HS3ST4: variants seen among roughly 807,000 people sequenced by gnomAD.
The protein encoded by HS3ST4 is heparan sulfate-glucosamine 3-sulfotransferase 4, also known as heparan sulfate glucosamine 3-O-sulfotransferase 4.
In HS3ST4, 17 loss-of-function variants were observed where a neutral mutation model predicts 29.2. The observed-to-expected ratio is 0.58, with a 90% CI of 0.40 to 0.87. The LOEUF is 0.87. Ranked by LOEUF, HS3ST4 falls within the 40% of genes least tolerant of loss-of-function variation. The pLI is 0.00. For missense variants in HS3ST4, 627 were observed against 634.5 expected, an observed-to-expected ratio of 0.99 and a Z score of 0.13; for synonymous variants, 314 against 285.7, an observed-to-expected ratio of 1.10 and a Z score of -1.00.
At chr16:25,811,869 T>C (rs1196185215) in intron 1 of HS3ST4, among the ~76,000 whole-genome samples, 1 of 152,240 alleles carries the variant, frequency 6.6e-6, no homozygotes, top group Admixed American at 6.5e-5. Context: ...AGTTAAGTTT[T>C]TAGGGAGTCA....
chr16:25,909,707 A>G (rs1161414310), intron 1 of HS3ST4, among the ~76,000 whole-genome samples: 1 of 152,224 alleles, frequency 6.6e-6, no homozygotes, highest in Non-Finnish European at 1.5e-5. Flanking sequence ...GCTCACAACA[A>G]CACTGCCAAC....
At chr16:26,101,761 A>AGATG (rs1898992530) in intron 1 of HS3ST4, among the ~76,000 whole-genome samples, 4 of 152,212 alleles carry the variant, frequency 2.6e-5, no homozygotes, top group Non-Finnish European at 5.9e-5. Context: ...TTGAATGAAT[A>AGATG]GATGGATGGA....
intron 1 of HS3ST4, among the ~76,000 whole-genome samples, chr16:25,961,061 G>T (rs1041280236): frequency 8.5e-5 from 13 of 152,174 alleles, no homozygotes; most frequent in African/African-American, 3.1e-4. Context: ...GGCATGTTCT[G>T]AAATAACTGG....
At chr16:26,020,063 A>G (rs1969398403) in intron 1 of HS3ST4, among the ~76,000 whole-genome samples, 1 of 151,918 alleles carries the variant, frequency 6.6e-6, no homozygotes, top group Non-Finnish European at 1.5e-5. Flanking sequence ...CGCCCCCCCT[A>G]CCAAATACAC....
At chr16:25,724,119 A>C (rs1299993043) in intron 1 of HS3ST4, among the ~76,000 whole-genome samples, 9 of 151,302 alleles carry the variant, frequency 5.9e-5, no homozygotes, top group African/African-American at 2.2e-4. Context: ...TCTCAAAAAA[A>C]AAAAAAAAAA....
chr16:26,072,330 C>T (rs191228055), intron 1 of HS3ST4, among the ~76,000 whole-genome samples: 46 of 152,098 alleles, frequency 3.0e-4, no homozygotes, highest in South Asian at 6.2e-4. Flanking sequence ...AGGGATGTTC[C>T]GTCTTCTACC....
chr16:26,019,790 A>T (rs1225312981), intron 1 of HS3ST4, among the ~76,000 whole-genome samples: 1 of 152,170 alleles, frequency 6.6e-6, no homozygotes, highest in Non-Finnish European at 1.5e-5. Context: ...GTTTTCAGTG[A>T]GATGTGAACT....
At chr16:26,077,403 G>T (rs1898675370) in intron 1 of HS3ST4, among the ~76,000 whole-genome samples, 1 of 152,218 alleles carries the variant, frequency 6.6e-6, no homozygotes, top group Non-Finnish European at 1.5e-5. Context: ...ATGGTATCTG[G>T]ATATCAGCAT....
chr16:25,996,867 A>G (rs1351864979), intron 1 of HS3ST4, among the ~76,000 whole-genome samples: 1 of 152,188 alleles, frequency 6.6e-6, no homozygotes, highest in Non-Finnish European at 1.5e-5. Context: ...ATTATCCCAT[A>G]CATAGACATA....
chr16:25,893,736 A>AT (rs1290726857), intron 1 of HS3ST4, among the ~76,000 whole-genome samples: 2 of 152,238 alleles, frequency 1.3e-5, no homozygotes, highest in Non-Finnish European at 2.9e-5. Context: ...AATTTTTCAA[A>AT]TGAAAATTGT....
At chr16:25,950,778 C>G (rs1455614916) in intron 1 of HS3ST4, among the ~76,000 whole-genome samples, 1 of 152,058 alleles carries the variant, frequency 6.6e-6, no homozygotes, top group Non-Finnish European at 1.5e-5. Context: ...AGCTTGAGTT[C>G]CTTCATCTGC....
intron 1 of HS3ST4, among the ~76,000 whole-genome samples, chr16:26,082,956 A>G (rs972046465): frequency 6.6e-6 from 1 of 152,232 alleles, no homozygotes; most frequent in East Asian, 1.9e-4. Flanking sequence ...AGCATCCATC[A>G]CAGGGGTTTG....
intron 1 of HS3ST4, among the ~76,000 whole-genome samples, chr16:25,963,029 G>C (rs1968809817): frequency 6.6e-6 from 1 of 152,214 alleles, no homozygotes; most frequent in Admixed American, 6.5e-5. Flanking sequence ...GAGAATGCCA[G>C]GGTTAAATTC....
chr16:26,111,743 G>A lies in HS3ST4; in HGVS notation c.735-23869G>A, dbSNP rs550328601. ...TTTTAAAAATTATCTTTTGGGTCAG[G>A]TGCAGTGGATCACTCCTGTAAGCCC... On this transcript the variant is annotated intron_variant, in intron 1 of 1. Transcript: ENST00000331351. Among the ~76,000 whole-genome samples, 7 of 152,142 alleles carry A rather than the reference G, an allele frequency of 4.6e-5. No homozygotes were observed. In the East Asian group the frequency reaches 1.4e-3, roughly 29 times the overall value.
At chr16:25,953,331 G>T (rs893232506) in intron 1 of HS3ST4, among the ~76,000 whole-genome samples, 1 of 152,158 alleles carries the variant, frequency 6.6e-6, no homozygotes, top group East Asian at 1.9e-4. Context: ...ACAAAGCTTT[G>T]CTTTGCCTAT....
At chr16:25,871,722 T>C (rs999043996) in intron 1 of HS3ST4, among the ~76,000 whole-genome samples, 1 of 152,166 alleles carries the variant, frequency 6.6e-6, no homozygotes, top group Non-Finnish European at 1.5e-5. Context: ...ACCTGTCCCC[T>C]CACACATTAT....
rs537618881 is a variant in HS3ST4 at position 26,013,706 on chromosome 16, A to G, written c.735-121906A>G. Among the ~76,000 whole-genome samples, 13 of 152,210 alleles carry G rather than the reference A, an allele frequency of 8.5e-5. No individual in the cohort carries two copies. In the South Asian group the frequency reaches 2.7e-3, roughly 32 times the overall value. On this transcript the variant is annotated intron_variant, in intron 1 of 1. Coordinates refer to ENST00000331351, the MANE Select transcript of HS3ST4 (RefSeq NM_006040.3). ...TCTCAGAGAGATGTTCTCAAACTAC[A>G]CTGTTAAAAAGCACCCACTCTGGCC...
chr16:25,957,536 G>A (rs1030483087), intron 1 of HS3ST4, among the ~76,000 whole-genome samples: 1 of 152,090 alleles, frequency 6.6e-6, no homozygotes, highest in African/African-American at 2.4e-5. Context: ...CCCTTCGTCA[G>A]CCTCCCGAGT....
intron 1 of HS3ST4, among the ~76,000 whole-genome samples, chr16:26,068,096 C>T (rs1352476777): frequency 6.6e-6 from 1 of 152,258 alleles, no homozygotes; most frequent in Non-Finnish European, 1.5e-5. Context: ...AATATTCAAA[C>T]TCTGTACAAC....
Sources: gnomAD v4.1 joint callset for allele counts (sites outside exome capture counted in the v4.1 genomes callset) on GRCh38, gnomAD v4.1.1 for gene constraint, MANE v1.5 for transcripts, NCBI Gene and HGNC (gene_info 2026-07-23, HGNC 2026-07-21) for gene names.